TUBE1: variants seen among roughly 807,000 people sequenced by gnomAD.
The protein encoded by TUBE1 is tubulin epsilon chain.
Under a neutral mutation model 53.5 loss-of-function variants are expected in TUBE1, and 34 were observed. The observed-to-expected ratio is 0.64, with a 90% CI of 0.48 to 0.85. The LOEUF (loss-of-function observed/expected upper bound fraction) is 0.85, where lower values mean the gene tolerates loss of function less well. TUBE1 is among the 40% of genes least tolerant of loss of function. The pLI, the probability that TUBE1 is intolerant of heterozygous loss-of-function variation, is 0.00. For synonymous variants in TUBE1, 177 were observed against 198.4 expected (o/e 0.89, Z 0.91); for missense variants, 532 against 570.5 (o/e 0.93, Z 0.69).
At chr6:112,084,911 A>G (rs782139066) in intron 3 of TUBE1, among the ~76,000 whole-genome samples, 4 of 152,230 alleles carry the variant, frequency 2.6e-5, no homozygotes, top group Non-Finnish European at 5.9e-5. Context: ...ATATGGGTCA[A>G]TAAAGACAGT....
In TUBE1 at chr6:112,087,477, G is replaced by C. The variant is rs1554317609; in HGVS notation, c.-43C>G. On this transcript the variant is annotated 5_prime_UTR_variant, in exon 1 of 12. Coordinates refer to ENST00000368662, the MANE Select transcript of TUBE1 (RefSeq NM_016262.5). Reference sequence around the variant, plus strand: ...TCCGGGAGCTTGCTAGCCCGCGGCCGCTTCTGCATTCCCCCAGCAACGGCG... The same window carrying C: ...TCCGGGAGCTTGCTAGCCCGCGGCCCCTTCTGCATTCCCCCAGCAACGGCG... The C allele has an allele frequency of 6.5e-7, 1 of 1,546,138 alleles. No individual in the cohort carries two copies. Among genetic ancestry groups the C allele is most frequent in the East Asian group, 2.4e-5 (1 of 40,822 alleles).
Position 112,083,938 on chromosome 6 carries a change from C to T in TUBE1, c.210+251G>A, listed in dbSNP as rs149404953. On this transcript the variant is annotated intron_variant, in intron 4 of 11. Coordinates refer to ENST00000368662, the MANE Select transcript of TUBE1 (RefSeq NM_016262.5). The stretch of plus-strand genomic sequence containing the variant: ...TTTCAGGTCCTTAGAGTTAAGAATG[C>T]TCCTTTTGTTATCATTTATCTAGAC... The T allele has an allele frequency of 5.7e-3, 2,473 of 436,976 alleles. 16 individuals carry two copies. Among genetic ancestry groups the T allele is most frequent in the Non-Finnish European group, 8.6e-3 (2,083 of 242,928 alleles). 27.1% of individuals were successfully genotyped at this position (436,976 alleles called of 1,614,324 possible).
At position 112,081,204 on chromosome 6, in the gene TUBE1, C is replaced by A. The variant is rs1554316721; in HGVS notation, c.214G>T (p.Val72Phe). ...ACCCCTTCTTCCATATCAATCAAGACTGCCTGAGAAAGAAAAATAAAATAT... is the reference window on the plus strand; with the variant it reads ...ACCCCTTCTTCCATATCAATCAAGAATGCCTGAGAAAGAAAAATAAAATAT... Reference protein sequence around the residue: ...GKICSLKARAVLIDMEEGVVN... With the variant: ...GKICSLKARAFLIDMEEGVVN... Residue 72 changes from valine (V) to phenylalanine (F), a missense_variant, in exon 5 of 12, where the codon GTC becomes TTC. Physicochemically the swap from Val to Phe is conservative, Grantham distance 50 (BLOSUM62 -1). Coordinates refer to ENST00000368662, the MANE Select transcript of TUBE1 (RefSeq NM_016262.5). 1 of 1,549,074 alleles carries A rather than the reference C, an allele frequency of 6.5e-7. No individual in the cohort carries two copies. The highest frequency in any genetic ancestry group is 2.3e-5 in the East Asian group (1 of 44,294).
At chr6:112,084,102 G>T in intron 4 of TUBE1, 87 bp downstream of exon 4, 2 of 1,118,138 alleles carry the variant, frequency 1.8e-6, no homozygotes, top group Non-Finnish European at 2.6e-6. Context: ...ACTTTGAAAA[G>T]TTTAAAGTTT....
intron 6 of TUBE1, chr6:112,076,742 T>C: frequency 3.1e-6 from 1 of 327,106 alleles, no homozygotes; most frequent in Non-Finnish European, 5.6e-6. Context: ...GCTAACTTTT[T>C]AATTTGTGTA....
chr6:112,075,716 A>G (rs1776952992), intron 8 of TUBE1: 1 of 369,394 alleles, frequency 2.7e-6, no homozygotes, highest in Non-Finnish European at 4.8e-6. Flanking sequence ...CTTTTACATC[A>G]TATGATATCT....
chr6:112,071,483 C>T lies in TUBE1; in HGVS notation c.1357G>A (p.Glu453Lys), dbSNP rs1776860418. ...TTTGTGGCGTCCAGTTGGTCATATT[C>T]CTGTATGAGTGCTGATAAAGATGAC... ...AVSSLSALIQ[E>K]YDQLDATKNM... is the part of the protein sequence containing the mutation. Residue 453 changes from glutamate to lysine, a missense_variant, in exon 12 of 12, where the codon GAA becomes AAA. Transcript: ENST00000368662. 1 of 1,612,288 alleles carries T rather than the reference C, an allele frequency of 6.2e-7. No individual in the cohort carries two copies. Among genetic ancestry groups the T allele is most frequent in the Non-Finnish European group, 8.5e-7 (1 of 1,178,896 alleles).
intron 6 of TUBE1, 179 bp downstream of exon 6, chr6:112,079,454 G>T: frequency 3.3e-5 from 14 of 419,832 alleles, no homozygotes; most frequent in Non-Finnish European, 4.9e-5. Context: ...AAAGAAAATA[G>T]TGACATAATT....
chr6:112,087,430 G>C lies in TUBE1; in HGVS notation c.5C>G (p.Thr2Ser), dbSNP rs1263773120. The change falls in exon 1 of 12, where the codon ACC becomes AGC. Residue 2 changes from threonine to serine, a missense_variant. Transcript: ENST00000368662. M[T>S]QSVVVQVGQC... ...CTTACCCTGTACGACCACCGACTGGGTCATGGTGGTGCGCCGCCGGCTCCG... is the reference window on the plus strand; with the variant it reads ...CTTACCCTGTACGACCACCGACTGGCTCATGGTGGTGCGCCGCCGGCTCCG... 2 of 1,550,778 alleles carry C rather than the reference G, an allele frequency of 1.3e-6. No individual in the cohort carries two copies. The highest frequency in any genetic ancestry group is 8.7e-7 in the Non-Finnish European group (1 of 1,146,452).
At chr6:112,086,332 T>C (rs781952220) in intron 3 of TUBE1, among the ~76,000 whole-genome samples, 3 of 152,228 alleles carry the variant, frequency 2.0e-5, no homozygotes, top group Admixed American at 6.5e-5. Flanking sequence ...TGAAACTTAT[T>C]TCAAGGTTAA....
chr6:112,077,956 A>G (rs998311350), intron 6 of TUBE1: 6 of 152,240 alleles, frequency 3.9e-5, no homozygotes, highest in African/African-American at 7.2e-5. Context: ...GGCAAAGGAT[A>G]GAAACATTTA....
At chr6:112,075,706 C>CTT (rs1283900949) in intron 8 of TUBE1, 1 of 346,930 alleles carries the variant, frequency 2.9e-6, no homozygotes, top group Admixed American at 4.5e-5. Flanking sequence ...ACCACAAAAT[C>CTT]TTTTACATCA....
At chr6:112,080,669 T>C (rs1230901810) in intron 5 of TUBE1, among the ~76,000 whole-genome samples, 1 of 152,080 alleles carries the variant, frequency 6.6e-6, no homozygotes, top group Admixed American at 6.5e-5. Flanking sequence ...GAGACCATTA[T>C]ATACTCAAGG....
chr6:112,072,921 G>A (rs782056000), intron 9 of TUBE1, 23 bp from the exon 10 acceptor site: 1 of 1,609,340 alleles, frequency 6.2e-7, no homozygotes, highest in South Asian at 1.1e-5. Flanking sequence ...AATTGTCATT[G>A]TTTATACAAA....
intron 3 of TUBE1, chr6:112,085,543 C>A: frequency 5.2e-6 from 2 of 384,618 alleles, no homozygotes; most frequent in South Asian, 2.0e-5. Context: ...ATGACAGAAG[C>A]AAATTTGAGT....
intron 4 of TUBE1, among the ~76,000 whole-genome samples, chr6:112,081,438 C>T (rs1777069086): frequency 6.6e-6 from 1 of 152,028 alleles, no homozygotes; most frequent in Non-Finnish European, 1.5e-5. Flanking sequence ...CTCCAAAATG[C>T]CTAGTTGGGG....
chr6:112,084,949 C>T (rs1381086060), intron 3 of TUBE1, among the ~76,000 whole-genome samples: 2 of 152,294 alleles, frequency 1.3e-5, no homozygotes, highest in East Asian at 1.9e-4. Context: ...TGAAGGGTAG[C>T]CAATCATCAG....
chr6:112,074,763 C>T lies in TUBE1; in HGVS notation c.900G>A (p.Val300=), dbSNP rs111835332. 2.8e-4 allele frequency: 447 copies of T among 1,608,404 alleles called. 1 individual carries two copies. In the African/African-American group the frequency reaches 4.9e-3, roughly 18 times the overall value. ...LVPFPQLHYL[V]SSLTPLYTLT... ...GTGTATACAGAGGTGTTAGGCTTGACACGAGATAATGAAGTTGAGGAAAAG... is the reference window on the plus strand; with the variant it reads ...GTGTATACAGAGGTGTTAGGCTTGATACGAGATAATGAAGTTGAGGAAAAG... Residue 300 remains valine, a synonymous_variant, in exon 9 of 12, where the codon GTG becomes GTA. Coordinates refer to ENST00000368662, the MANE Select transcript of TUBE1 (RefSeq NM_016262.5).
At chr6:112,081,325 TA>T in intron 4 of TUBE1, 118 bp from the exon 5 acceptor site, 1 of 446,422 alleles carries the variant, frequency 2.2e-6, no homozygotes, top group Non-Finnish European at 3.9e-6. Flanking sequence ...TAAGCTTAAT[TA>T]AAATCTTTAC....
Sources: allele counts gnomAD v4.1 joint callset (sites outside exome capture counted in the v4.1 genomes callset), GRCh38; gene constraint gnomAD v4.1.1; transcripts MANE v1.5; gene names NCBI Gene and HGNC (gene_info 2026-07-23, HGNC 2026-07-21).